LSAMP: variants seen among roughly 807,000 people sequenced by gnomAD.
LSAMP encodes limbic system-associated membrane protein.
LSAMP carries 7 observed loss-of-function variants against 38.6 expected under a neutral mutation model. That is an observed-to-expected ratio of 0.18 (90% CI 0.10 to 0.34). The LOEUF is 0.34. Ranked by LOEUF, LSAMP falls within the 10% of genes least tolerant of loss-of-function variation. The probability of loss-of-function intolerance (pLI) is 1.00; values close to 1 mark genes in which losing one functional copy is unlikely to be tolerated. For synonymous variants in LSAMP, 154 were observed against 166.8 expected, an observed-to-expected ratio of 0.92 and a Z score of 0.59; for missense variants, 313 against 420.0, an observed-to-expected ratio of 0.75 and a Z score of 2.23.
chr3:115,898,013 C>CTAG (rs966435168), intron 3 of LSAMP, among the ~76,000 whole-genome samples: 2 of 152,134 alleles, frequency 1.3e-5, no homozygotes, highest in African/African-American at 4.8e-5. Flanking sequence ...ATCCAAAATG[C>CTAG]TAGTCCATGA....
At chr3:116,167,037 C>T (rs918097669) in intron 1 of LSAMP, among the ~76,000 whole-genome samples, 14 of 152,024 alleles carry the variant, frequency 9.2e-5, no homozygotes, top group Admixed American at 5.9e-4. Context: ...GTGATCCGCC[C>T]GCCTTGGCCT....
intron 1 of LSAMP, among the ~76,000 whole-genome samples, chr3:116,395,187 G>A (rs975554847): frequency 6.6e-6 from 1 of 152,176 alleles, no homozygotes; most frequent in African/African-American, 2.4e-5. Context: ...CTTCAAAGGA[G>A]CATGAATAAT....
Position 115,808,143 on chromosome 3 carries a change from T to TCCCTCCC in LSAMP, c.*2167_*2173dup, listed in dbSNP as rs1933684215. 1.9e-5 allele frequency: 1 copy of TCCCTCCC among 53,822 alleles called. No individual in the cohort carries two copies. The highest frequency in any genetic ancestry group is 9.3e-5 in the African/African-American group (1 of 10,808). The allele number at this position is 53,822 out of a possible 1,614,324, so 3.3% of individuals were successfully genotyped here. Reference sequence around the variant, plus strand: ...CTCCCTCCCTCCCTCCCTCCCTCCCTCCCTCCCCCCCTTCCCCGTCCCCCC... The same window carrying TCCCTCCC: ...CTCCCTCCCTCCCTCCCTCCCTCCCTCCCTCCCCCCTCCCCCCCTTCCCCGTCCCCCC... On this transcript the variant is annotated 3_prime_UTR_variant, in exon 7 of 7. Coordinates refer to ENST00000490035, the MANE Select transcript of LSAMP (RefSeq NM_002338.5).
chr3:115,828,823 TA>T (rs933071100), intron 6 of LSAMP, among the ~76,000 whole-genome samples: 79 of 152,106 alleles, frequency 5.2e-4, no homozygotes, highest in East Asian at 2.9e-3. Flanking sequence ...GGATTTTTGT[TA>T]AAAAAAATAT....
At chr3:116,404,988 G>T (rs889615077) in intron 1 of LSAMP, among the ~76,000 whole-genome samples, 2 of 152,042 alleles carry the variant, frequency 1.3e-5, no homozygotes, top group African/African-American at 4.8e-5. Flanking sequence ...TTGAAAAGGG[G>T]CAACTCAATG....
At chr3:116,393,942 A>G (rs4831132) in intron 1 of LSAMP, among the ~76,000 whole-genome samples, 14,302 of 152,236 alleles carry the variant, frequency 0.094, 748 homozygotes, top group Middle Eastern at 0.15. Context: ...TTGCTGCATC[A>G]CTTACATTGA....
Position 116,056,260 on chromosome 3 carries a change from G to A in LSAMP, c.388+30064C>T, listed in dbSNP as rs867930038. ...ATGTTCTGGATACTAACACAAAGATGGTCTGCTTTCCTGAACTATTGTCAC... is the reference window on the plus strand; with the variant it reads ...ATGTTCTGGATACTAACACAAAGATAGTCTGCTTTCCTGAACTATTGTCAC... On this transcript the variant is annotated intron_variant, in intron 2 of 6. Transcript: ENST00000490035. Among the ~76,000 whole-genome samples the A allele has an allele frequency of 3.9e-5, 6 of 152,126 alleles. No homozygotes were observed. The Middle Eastern group carries it at 0.01, about 259-fold the overall frequency.
intron 3 of LSAMP, among the ~76,000 whole-genome samples, chr3:115,966,024 C>T (rs1938799304): frequency 1.3e-5 from 2 of 152,106 alleles, no homozygotes; most frequent in Admixed American, 1.3e-4. Context: ...TAGCTGGCTC[C>T]ATGGCAAACT....
chr3:116,273,196 C>T (rs2046997125), intron 1 of LSAMP, among the ~76,000 whole-genome samples: 1 of 152,026 alleles, frequency 6.6e-6, no homozygotes, highest in Admixed American at 6.6e-5. Context: ...AATCCTATCT[C>T]CACCTCATCT....
chr3:116,395,652 G>T (rs1264280332), intron 1 of LSAMP, among the ~76,000 whole-genome samples: 1 of 152,132 alleles, frequency 6.6e-6, no homozygotes, highest in African/African-American at 2.4e-5. Flanking sequence ...GAAAGACTCA[G>T]ATTGTACAGT....
At chr3:115,925,293 G>T (rs1399846248) in intron 3 of LSAMP, among the ~76,000 whole-genome samples, 1 of 152,148 alleles carries the variant, frequency 6.6e-6, no homozygotes, top group Non-Finnish European at 1.5e-5. Flanking sequence ...ACAAGCCAGG[G>T]TTCAGAATTC....
intron 3 of LSAMP, among the ~76,000 whole-genome samples, chr3:116,017,716 T>C (rs946262280): frequency 6.6e-6 from 1 of 152,022 alleles, no homozygotes. Context: ...AAGCAAACGA[T>C]TGCTTAGGAA....
At chr3:115,904,698 A>G (rs1936965926) in intron 3 of LSAMP, among the ~76,000 whole-genome samples, 1 of 152,118 alleles carries the variant, frequency 6.6e-6, no homozygotes, top group Admixed American at 6.6e-5. Flanking sequence ...GGGTTTCTTC[A>G]TTATCACCAG....
Position 116,155,679 on chromosome 3 carries a change from C to CAT in LSAMP, c.156-69125_156-69124dup, listed in dbSNP as rs1219189815. 4.0e-5 allele frequency among the ~76,000 whole-genome samples: 6 copies of CAT among 151,810 alleles called. No homozygotes were observed. The East Asian group carries it at 7.8e-4, about 20-fold the overall frequency. ...TGTCTGTGTCTGTAAAACATACATA[C>CAT]ATATATATACATACATATGCATATA... is the stretch of plus-strand genomic sequence containing the variant. On this transcript the variant is annotated intron_variant, in intron 1 of 6. Transcript: ENST00000490035.
At chr3:116,024,951 G>T (rs910364377) in intron 2 of LSAMP, among the ~76,000 whole-genome samples, 1 of 151,806 alleles carries the variant, frequency 6.6e-6, no homozygotes, top group African/African-American at 2.4e-5. Context: ...TCTTCCTCTA[G>T]ATCATATTCA....
intron 2 of LSAMP, among the ~76,000 whole-genome samples, chr3:116,038,328 T>G (rs765553219): frequency 1.3e-5 from 2 of 152,132 alleles, no homozygotes; most frequent in Non-Finnish European, 2.9e-5. Context: ...AAGACGCCAG[T>G]GCCACCTGAT....
chr3:116,327,881 C>T (rs557373101), intron 1 of LSAMP, among the ~76,000 whole-genome samples: 7 of 152,256 alleles, frequency 4.6e-5, no homozygotes, highest in African/African-American at 1.7e-4. Context: ...GTGAATCTCT[C>T]TTGTGCCTGT....
intron 3 of LSAMP, among the ~76,000 whole-genome samples, chr3:115,876,594 A>G (rs1290778353): frequency 6.6e-6 from 1 of 152,118 alleles, no homozygotes; most frequent in Non-Finnish European, 1.5e-5. Context: ...CAACTCTGCC[A>G]TCACAACCAT....
chr3:116,208,656 T>G (rs1359417562), intron 1 of LSAMP, among the ~76,000 whole-genome samples: 9 of 152,184 alleles, frequency 5.9e-5, no homozygotes, highest in Admixed American at 2.0e-4. Context: ...TGGAATACCC[T>G]GCCGTGTGAG....
Sources: allele counts gnomAD v4.1 joint callset (sites outside exome capture counted in the v4.1 genomes callset), GRCh38; gene constraint gnomAD v4.1.1; transcripts MANE v1.5; gene names NCBI Gene and HGNC (gene_info 2026-07-23, HGNC 2026-07-21).